The following ARHGEF10L variants were observed in gnomAD, a reference collection of about 807,000 sequenced individuals.
ARHGEF10L encodes Rho guanine nucleotide exchange factor 10 like.
A neutral mutation model predicts 141.2 loss-of-function variants in ARHGEF10L; 69 were observed. The observed-to-expected ratio is 0.49, with a 90% CI of 0.40 to 0.60. The LOEUF (loss-of-function observed/expected upper bound fraction) is 0.60, where lower values mean the gene tolerates loss of function less well. ARHGEF10L is among the 20% of genes least tolerant of loss of function. The pLI is 0.00. For missense variants in ARHGEF10L, 1,482 were observed against 1,734.3 expected (o/e 0.85, Z 2.58); for synonymous variants, 711 against 718.5 (o/e 0.99, Z 0.17).
chr1:17,674,919 C>T (rs923828519), intron 26 of ARHGEF10L, among the ~76,000 whole-genome samples: 1 of 152,148 alleles, frequency 6.6e-6, no homozygotes, highest in African/African-American at 2.4e-5. Flanking sequence ...CCGCCTAGAT[C>T]TGTGTAAGGT....
chr1:17,533,686 T>C, the ARHGEF10L span, among the ~76,000 whole-genome samples: 2 of 152,158 alleles, frequency 1.3e-5, no homozygotes, highest in Admixed American at 6.5e-5. Context: ...TGTTGCTCCG[T>C]GCATCCCAGC....
intron 1 of ARHGEF10L, among the ~76,000 whole-genome samples, chr1:17,550,365 G>A (rs954181581): frequency 2.0e-5 from 3 of 152,162 alleles, no homozygotes; most frequent in Admixed American, 6.5e-5. Flanking sequence ...GGGGTAGGCC[G>A]GGCACAGTGG....
the ARHGEF10L span, among the ~76,000 whole-genome samples, chr1:17,516,251 A>G: frequency 2.0e-5 from 3 of 152,206 alleles, no homozygotes; most frequent in South Asian, 2.1e-4. Flanking sequence ...GGGGAAAAAA[A>G]GTGGAAGTGG....
intron 1 of ARHGEF10L, 68 bp from the exon 2 acceptor site, chr1:17,580,485 A>T (rs1432238140): frequency 7.1e-7 from 1 of 1,402,454 alleles, no homozygotes; most frequent in East Asian, 2.4e-5. Context: ...TGAGCCAGTG[A>T]CTTGTCTCAG....
intron 28 of ARHGEF10L, 38 bp downstream of exon 28, chr1:17,695,318 G>T: frequency 6.5e-7 from 1 of 1,542,076 alleles, no homozygotes; most frequent in Non-Finnish European, 8.7e-7. Flanking sequence ...GGACCAGGGG[G>T]TCAGCTGCAG....
At chr1:17,535,424 G>A (rs1317337517), upstream of ARHGEF10L, among the ~76,000 whole-genome samples, 3 of 152,230 alleles carry the variant, frequency 2.0e-5, no homozygotes, top group African/African-American at 7.2e-5. Flanking sequence ...TGGCCTGAGG[G>A]TTGGGGACCC....
chr1:17,634,413 T>C (rs2060877904), intron 16 of ARHGEF10L, 135 bp from the exon 17 acceptor site: 1 of 1,461,706 alleles, frequency 6.8e-7, no homozygotes, highest in Admixed American at 1.7e-5. Context: ...GATGCCCTCA[T>C]TCCCCGCAGG....
upstream of ARHGEF10L, among the ~76,000 whole-genome samples, chr1:17,535,488 G>C (rs2076562468): frequency 6.6e-6 from 1 of 152,202 alleles, no homozygotes; most frequent in African/African-American, 2.4e-5. Context: ...GGCAGCGGCG[G>C]GGGCCCTGGG....
chr1:17,582,544 G>A (rs1057013952), intron 2 of ARHGEF10L, among the ~76,000 whole-genome samples: 2 of 152,208 alleles, frequency 1.3e-5, no homozygotes, highest in East Asian at 1.9e-4. Context: ...ATTCCTGCGC[G>A]TGTCTTCAGC....
intron 1 of ARHGEF10L, among the ~76,000 whole-genome samples, chr1:17,570,764 G>A (rs150629779): frequency 1.4e-3 from 211 of 152,148 alleles, no homozygotes; most frequent in African/African-American, 4.8e-3. Context: ...GGGCCATGGT[G>A]GTACTGTGGA....
intron 25 of ARHGEF10L, among the ~76,000 whole-genome samples, chr1:17,664,201 GA>G (rs1221261466): frequency 1.3e-5 from 2 of 152,342 alleles, no homozygotes; most frequent in Non-Finnish European, 2.9e-5. Flanking sequence ...AGGGAAGGGG[GA>G]AAGAGAATGG....
At chr1:17,609,035 G>A (rs910587150) in intron 7 of ARHGEF10L, among the ~76,000 whole-genome samples, 4 of 152,104 alleles carry the variant, frequency 2.6e-5, no homozygotes, top group Admixed American at 2.0e-4. Context: ...CACCTGCCTC[G>A]GCCTCCTAAA....
Position 17,627,041 on chromosome 1 carries a change from C to T in ARHGEF10L, c.1411-289C>T, listed in dbSNP as rs750236968. Among the ~76,000 whole-genome samples the T allele has an allele frequency of 1.7e-4, 26 of 152,242 alleles. No individual in the cohort carries two copies. The highest frequency in any genetic ancestry group is 3.2e-4 in the Non-Finnish European group (22 of 68,046). On this transcript the variant is annotated intron_variant, in intron 14 of 28. Coordinates refer to ENST00000361221, the MANE Select transcript of ARHGEF10L (RefSeq NM_018125.4). This position sits in a 1 kb window ranked among gnomAD's most constrained non-coding sequence, Gnocchi z 4.0. ...GGACATTTTTGCCTCCACATTTTGG[C>T]GACTGTGGCTAATGCTGCTATGAAC... is the stretch of plus-strand genomic sequence containing the variant.
In ARHGEF10L at chr1:17,545,606, C is replaced by T. The variant is rs74454139; in HGVS notation, c.-44+5656C>T. Among the ~76,000 whole-genome samples the T allele has an allele frequency of 5.3e-5, 8 of 152,222 alleles. No homozygotes were observed. The East Asian group carries it at 5.8e-4, about 11-fold the overall frequency. ...GCAGCAGTGGTGTCTGAGGACAGAC[C>T]GTGGACAAATTAAGTAGCTTGGGGC... On this transcript the variant is annotated intron_variant, in intron 1 of 28. Transcript: ENST00000361221.
intron 11 of ARHGEF10L, among the ~76,000 whole-genome samples, chr1:17,622,285 A>T (rs2060147104): frequency 6.6e-6 from 1 of 152,106 alleles, no homozygotes; most frequent in Non-Finnish European, 1.5e-5. Flanking sequence ...TCCTCCTGGG[A>T]TCCTTAGTTG....
chr1:17,551,835 A>G (rs2077123726), intron 1 of ARHGEF10L, among the ~76,000 whole-genome samples: 1 of 152,168 alleles, frequency 6.6e-6, no homozygotes, highest in Non-Finnish European at 1.5e-5. Context: ...TCTTCTAACT[A>G]AAACAACCAC....
At chr1:17,605,094 C>T (rs2081050073) in intron 6 of ARHGEF10L, among the ~76,000 whole-genome samples, 1 of 152,206 alleles carries the variant, frequency 6.6e-6, no homozygotes, top group Non-Finnish European at 1.5e-5. Context: ...TTTGGAGATG[C>T]TTTTCACACA....
At chr1:17,667,268 C>G (rs2063044613) in intron 26 of ARHGEF10L, among the ~76,000 whole-genome samples, 2 of 152,220 alleles carry the variant, frequency 1.3e-5, no homozygotes, top group Admixed American at 6.5e-5. Context: ...TTGGGGCAAC[C>G]TTCAGTCTGA....
chr1:17,677,117 G>A (rs765116446), intron 26 of ARHGEF10L, among the ~76,000 whole-genome samples: 1 of 152,118 alleles, frequency 6.6e-6, no homozygotes, highest in African/African-American at 2.4e-5. Flanking sequence ...AGAGGCAGTC[G>A]CTTGCCTGCG....
Sources: allele counts gnomAD v4.1 joint callset (sites outside exome capture counted in the v4.1 genomes callset), GRCh38; gene constraint gnomAD v4.1.1; non-coding constraint Gnocchi (gnomAD v3.1); transcripts MANE v1.5; gene names NCBI Gene and HGNC (gene_info 2026-07-23, HGNC 2026-07-21).